The following PTGFRN variants were observed in gnomAD, a reference collection of about 807,000 sequenced individuals.
PTGFRN encodes prostaglandin F2 receptor inhibitor.
PTGFRN carries 35 observed loss-of-function variants against 83.2 expected under a neutral mutation model. The ratio of observed to expected loss-of-function variants is 0.42; its 90% CI spans 0.32 to 0.56. PTGFRN has a LOEUF of 0.56. Ranked by LOEUF, PTGFRN falls within the 20% of genes least tolerant of loss-of-function variation. PTGFRN has a pLI of 0.11. For synonymous variants in PTGFRN, 519 were observed against 498.6 expected (o/e 1.04, Z -0.55); for missense variants, 1,051 against 1,179.5 (o/e 0.89, Z 1.60).
chr1:116,944,715 G>C lies in PTGFRN; in HGVS notation c.455G>C (p.Arg152Pro), dbSNP rs1234508051. The C allele has an allele frequency of 1.2e-5, 17 of 1,410,168 alleles. No homozygotes were observed. Among genetic ancestry groups the C allele is most frequent in the Non-Finnish European group, 1.6e-5 (17 of 1,088,582 alleles). The allele number at this position is 1,410,168 out of a possible 1,614,324, so 87.4% of individuals were successfully genotyped here. A position where few individuals can be genotyped will look rare whatever the true frequency, so the allele number is the denominator to read the frequency against. Residue 152 changes from arginine to proline, a missense_variant, in exon 3 of 9, where the codon CGG becomes CCG. Coordinates refer to ENST00000393203, the MANE Select transcript of PTGFRN (RefSeq NM_020440.4). The stretch of plus-strand genomic sequence containing the variant: ...TCCCTGCACGTGGGCCCCAGCGCGC[G>C]GCCCCCGCCGAGCCTGAGCCTGCGG... The part of the protein sequence containing the change: ...ADSLHVGPSA[R>P]PPPSLSLREG...
At chr1:116,917,469 A>G (rs939910068) in intron 1 of PTGFRN, among the ~76,000 whole-genome samples, 3 of 152,150 alleles carry the variant, frequency 2.0e-5, no homozygotes, top group Non-Finnish European at 4.4e-5. Context: ...CTAGCCTTGA[A>G]GAGCCAGAGA....
chr1:116,985,465 G>A (rs530854880), intron 8 of PTGFRN, among the ~76,000 whole-genome samples: 82 of 152,068 alleles, frequency 5.4e-4, no homozygotes, highest in Non-Finnish European at 9.3e-4. Flanking sequence ...TTGGGAGGCC[G>A]AGGCGGGCGG....
chr1:116,939,433 T>C (rs1650008721), intron 1 of PTGFRN, among the ~76,000 whole-genome samples: 1 of 152,272 alleles, frequency 6.6e-6, no homozygotes, highest in African/African-American at 2.4e-5. Context: ...GCTTGCACCC[T>C]CTGAAGCTAT....
At chr1:116,944,586 G>A in intron 2 of PTGFRN, 93 bp from the exon 3 acceptor site, 1 of 1,231,458 alleles carries the variant, frequency 8.1e-7, no homozygotes, top group Non-Finnish European at 1.0e-6. Flanking sequence ...GGGAAAGGGA[G>A]GAGGAAATTG....
chr1:116,948,021 A>G (rs569425797), intron 3 of PTGFRN, among the ~76,000 whole-genome samples: 1 of 152,326 alleles, frequency 6.6e-6, no homozygotes, highest in East Asian at 1.9e-4. Context: ...TATGAAAGTA[A>G]TTTACGCCAA....
Position 116,910,114 on chromosome 1 carries a change from G to C in PTGFRN, c.-90G>C, listed in dbSNP as rs887184422. ...CGCGCGGCCCAGGCGGAGGAGCGCC[G>C]ACTCTGGAGCAGCCGGAGCTGGAAG... On this transcript the variant is annotated 5_prime_UTR_variant, in exon 1 of 9. Coordinates refer to ENST00000393203, the MANE Select transcript of PTGFRN (RefSeq NM_020440.4). The C allele has an allele frequency of 2.9e-6, 4 of 1,402,516 alleles. No individual in the cohort carries two copies. The African/African-American group carries it at 5.9e-5, about 21-fold the overall frequency. The allele number at this position is 1,402,516 out of a possible 1,614,324, so 86.9% of individuals were successfully genotyped here.
At chr1:116,986,146 CG>C (rs1357639874) in intron 8 of PTGFRN, among the ~76,000 whole-genome samples, 2 of 151,682 alleles carry the variant, frequency 1.3e-5, no homozygotes, top group African/African-American at 4.9e-5. Context: ...CCTTAGCAAA[CG>C]TAAAGCACCT....
intron 1 of PTGFRN, among the ~76,000 whole-genome samples, chr1:116,933,015 A>G (rs1649836837): frequency 6.6e-6 from 1 of 152,180 alleles, no homozygotes; most frequent in Non-Finnish European, 1.5e-5. Flanking sequence ...CAATTTGTGG[A>G]TAGTGCCTGG....
chr1:116,984,897 G>A lies in PTGFRN; in HGVS notation c.2385G>A (p.Val795=), dbSNP rs770560030. ...DQDFGNYYCS[V]TPWVKSPTGS... is the part of the protein sequence containing the mutation. Reference sequence around the variant, plus strand: ...ACTTTGGCAACTACTACTGTTCCGTGACTCCATGGGTGAAGTCACCAACAG... The same window carrying A: ...ACTTTGGCAACTACTACTGTTCCGTAACTCCATGGGTGAAGTCACCAACAG... Residue 795 remains valine, a synonymous_variant, in exon 8 of 9, where the codon GTG becomes GTA. Coordinates refer to ENST00000393203, the MANE Select transcript of PTGFRN (RefSeq NM_020440.4). The A allele has an allele frequency of 5.6e-6, 9 of 1,614,188 alleles. No individual in the cohort carries two copies. The South Asian group carries it at 8.8e-5, about 16-fold the overall frequency.
At chr1:116,949,728 G>A (rs915319550) in intron 4 of PTGFRN, among the ~76,000 whole-genome samples, 156 bp downstream of exon 4, 2 of 152,202 alleles carry the variant, frequency 1.3e-5, no homozygotes, top group Admixed American at 6.5e-5. Flanking sequence ...CCCAAGCTGG[G>A]GATGAAATAG....
chr1:116,967,221 A>G lies in PTGFRN; in HGVS notation c.1950A>G (p.Ala650=), dbSNP rs750323333. ...YRMYQTQVSD[A]GLYRCMVTAW... Reference sequence around the variant, plus strand: ...TGTACCAGACTCAGGTCTCAGACGCAGGGCTGTACCGCTGCATGGTGACAG... The same window carrying G: ...TGTACCAGACTCAGGTCTCAGACGCGGGGCTGTACCGCTGCATGGTGACAG... The change falls in exon 6 of 9, where the codon GCA becomes GCG. Residue 650 remains alanine (A), a synonymous_variant. Transcript: ENST00000393203. 3 of 1,614,114 alleles carry G rather than the reference A, an allele frequency of 1.9e-6. No individual in the cohort carries two copies. The highest frequency in any genetic ancestry group is 1.3e-5 in the African/African-American group (1 of 74,942).
intron 1 of PTGFRN, among the ~76,000 whole-genome samples, chr1:116,934,378 C>CTCAA (rs1649869424): frequency 6.6e-6 from 1 of 152,168 alleles, no homozygotes. Flanking sequence ...AACCCCTGGG[C>CTCAA]TCAAGCAGTC....
chr1:116,977,598 G>GAA (rs1230283248), intron 7 of PTGFRN, among the ~76,000 whole-genome samples: 1 of 152,208 alleles, frequency 6.6e-6, no homozygotes, highest in Non-Finnish European at 1.5e-5. Flanking sequence ...CATGGAAACT[G>GAA]AACAACCTGC....
chr1:116,977,713 T>C (rs1163686823), intron 7 of PTGFRN, among the ~76,000 whole-genome samples: 3 of 152,240 alleles, frequency 2.0e-5, no homozygotes, highest in Non-Finnish European at 4.4e-5. Context: ...CTGGGACACA[T>C]TCAAAGCAGT....
At chr1:116,911,674 A>C (rs893062500) in intron 1 of PTGFRN, among the ~76,000 whole-genome samples, 1 of 152,220 alleles carries the variant, frequency 6.6e-6, no homozygotes, top group Non-Finnish European at 1.5e-5. Flanking sequence ...ACAAAGCCTC[A>C]GTCTTTCACC....
At chr1:116,971,490 G>T (rs2101083225) in intron 6 of PTGFRN, among the ~76,000 whole-genome samples, 1 of 152,258 alleles carries the variant, frequency 6.6e-6, no homozygotes, top group South Asian at 2.1e-4. Context: ...TAAACTCTCT[G>T]TACCATACCC....
chr1:116,912,653 A>T (rs1394814857), intron 1 of PTGFRN, among the ~76,000 whole-genome samples: 1 of 151,794 alleles, frequency 6.6e-6, no homozygotes, highest in African/African-American at 2.4e-5. Flanking sequence ...CTCCCTTTTA[A>T]GCTCATCCTT....
rs1649459048 is a variant in PTGFRN at position 116,918,407 on chromosome 1, GTAAGTTC to G, written c.49+8156_49+8162del. Among the ~76,000 whole-genome samples, 2 of 152,216 alleles carry G rather than the reference GTAAGTTC, an allele frequency of 1.3e-5. No individual in the cohort carries two copies. The highest frequency in any genetic ancestry group is 4.8e-5 in the African/African-American group (2 of 41,462). ...TAGAAGAATGCAAACATTAGTGTAT[GTAAGTTC>G]CTAGAACTCTGCTACCCCAACTGTG... On this transcript the variant is annotated intron_variant, in intron 1 of 8. Coordinates refer to ENST00000393203, the MANE Select transcript of PTGFRN (RefSeq NM_020440.4). This position sits in a 1 kb window ranked among gnomAD's most constrained non-coding sequence, Gnocchi z 4.1.
At chr1:116,985,102 T>G in intron 8 of PTGFRN, 117 bp downstream of exon 8, 1 of 1,095,668 alleles carries the variant, frequency 9.1e-7, no homozygotes, top group South Asian at 1.6e-5. Context: ...ACGTCCTGCT[T>G]TCTTTCTAGA....
Sources: gnomAD v4.1 joint callset for allele counts (sites outside exome capture counted in the v4.1 genomes callset) on GRCh38, gnomAD v4.1.1 for gene constraint, Gnocchi (gnomAD v3.1) non-coding constraint, MANE v1.5 for transcripts, NCBI Gene and HGNC (gene_info 2026-07-23, HGNC 2026-07-21) for gene names.